The following SCUBE1 variants were observed in gnomAD, a reference collection of about 807,000 sequenced individuals.
SCUBE1 encodes the protein signal peptide, CUB domain and EGF like domain containing 1.
A neutral mutation model predicts 124.4 loss-of-function variants in SCUBE1; 59 were observed. That is an observed-to-expected ratio of 0.47 (90% CI 0.38 to 0.59). SCUBE1 has a LOEUF of 0.59. Among genes scored for constraint, SCUBE1 ranks in the 20% least tolerant of loss-of-function variants. The pLI is 0.00. For missense variants in SCUBE1, 1,150 were observed against 1,371.2 expected (o/e 0.84, Z 2.55); for synonymous variants, 545 against 550.9 (o/e 0.99, Z 0.15).
At position 43,241,502 on chromosome 22, in the gene SCUBE1, C is replaced by A. The variant is rs534582708; in HGVS notation, c.728-2548G>T. Among the ~76,000 whole-genome samples, 5 of 152,244 alleles carry A rather than the reference C, an allele frequency of 3.3e-5. No homozygotes were observed. The South Asian group carries it at 8.3e-4, about 25-fold the overall frequency. On this transcript the variant is annotated intron_variant, in intron 6 of 21. Transcript: ENST00000360835. Reference sequence around the variant, plus strand: ...CCCCTTGGCTCCTTGCGGGCAGTGACCCACCTGGCAGCTCCAGGGCCCTAC... The same window carrying A: ...CCCCTTGGCTCCTTGCGGGCAGTGAACCACCTGGCAGCTCCAGGGCCCTAC...
intron 4 of SCUBE1, among the ~76,000 whole-genome samples, chr22:43,273,000 G>T (rs1230984697): frequency 6.6e-6 from 1 of 152,246 alleles, no homozygotes; most frequent in Non-Finnish European, 1.5e-5. Flanking sequence ...CACATCAAGA[G>T]GTGGCACACA....
intron 3 of SCUBE1, among the ~76,000 whole-genome samples, chr22:43,304,797 C>T (rs981466028): frequency 6.6e-6 from 1 of 152,172 alleles, no homozygotes; most frequent in Non-Finnish European, 1.5e-5. Context: ...CCCATCTCCA[C>T]CCCCCGCAGG....
chr22:43,221,603 TA>T (rs1922093971), intron 12 of SCUBE1, among the ~76,000 whole-genome samples: 1 of 151,996 alleles, frequency 6.6e-6, no homozygotes, highest in Non-Finnish European at 1.5e-5. Context: ...GATTGTGCTT[TA>T]GGAAAGAGCG....
At position 43,304,197 on chromosome 22, in the gene SCUBE1, G is replaced by A. The variant is rs574794743; in HGVS notation, c.350-13017C>T. 9.8e-4 allele frequency among the ~76,000 whole-genome samples: 150 copies of A among 152,312 alleles called. No homozygotes were observed. The Middle Eastern group carries it at 0.01, about 10-fold the overall frequency. ...CATACAACTGACTGACTCTCCTGCC[G>A]TACAGCATCTGCACTTGCGGTGGCC... is the stretch of plus-strand genomic sequence containing the variant. On this transcript the variant is annotated intron_variant, in intron 3 of 21. Coordinates refer to ENST00000360835, the MANE Select transcript of SCUBE1 (RefSeq NM_173050.5).
At chr22:43,339,394 G>A (rs1398491976) in intron 1 of SCUBE1, among the ~76,000 whole-genome samples, 159 bp from the exon 2 acceptor site, 1 of 152,090 alleles carries the variant, frequency 6.6e-6, no homozygotes, top group Non-Finnish European at 1.5e-5. Flanking sequence ...GTGACAAGTG[G>A]CAACTGGTAG....
At position 43,221,255 on chromosome 22, in the gene SCUBE1, G is replaced by A; in HGVS notation, c.1467C>T (p.Arg489=). Residue 489 remains arginine, a synonymous_variant, in exon 13 of 22, where the codon CGC becomes CGT. Transcript: ENST00000360835. ...GGCACTTGGCATCTCGGATCTTGAA[G>A]CGGGCCTTCTGTTTGATGGGGGTGG... is the stretch of plus-strand genomic sequence containing the variant. The part of the protein sequence containing the change: ...APTTPIKQKA[R]FKIRDAKCHL... 1 of 1,611,668 alleles carries A rather than the reference G, an allele frequency of 6.2e-7. No homozygotes were observed.
At chr22:43,256,892 C>G (rs1923682054) in intron 6 of SCUBE1, among the ~76,000 whole-genome samples, 1 of 152,164 alleles carries the variant, frequency 6.6e-6, no homozygotes, top group African/African-American at 2.4e-5. Context: ...TGGTCTGAGA[C>G]CGGGTTTGGC....
Position 43,210,070 on chromosome 22 carries a change from C to A in SCUBE1, c.2554G>T (p.Gly852Cys). ...CTCTTCCTCATGACCAGAACATCGCCGCACTCATCCTCGATGGGCAGGAAG... is the reference window on the plus strand; with the variant it reads ...CTCTTCCTCATGACCAGAACATCGCAGCACTCATCCTCGATGGGCAGGAAG... ...EIFLPIEDEC[G>C]DVLVMRKSAS... is the part of the protein sequence containing the mutation. Residue 852 changes from glycine (G) to cysteine (C), a missense_variant, in exon 19 of 22, where the codon GGC becomes TGC. Physicochemically the swap from Gly to Cys is radical, Grantham distance 159. Transcript: ENST00000360835. This position sits in a 1 kb window ranked among gnomAD's most constrained non-coding sequence, Gnocchi z 4.5. 3 of 1,612,094 alleles carry A rather than the reference C, an allele frequency of 1.9e-6. No individual in the cohort carries two copies. Among genetic ancestry groups the A allele is most frequent in the Non-Finnish European group, 2.5e-6 (3 of 1,179,266 alleles).
At chr22:43,339,274 T>C in intron 1 of SCUBE1, 39 bp from the exon 2 acceptor site, 1 of 1,603,690 alleles carries the variant, frequency 6.2e-7, no homozygotes, top group Non-Finnish European at 8.5e-7. Context: ...AGGTAAGGTG[T>C]GGCCCCAGGG....
At chr22:43,265,001 T>G (rs1195738662) in intron 4 of SCUBE1, among the ~76,000 whole-genome samples, 1 of 152,204 alleles carries the variant, frequency 6.6e-6, no homozygotes, top group Non-Finnish European at 1.5e-5. Context: ...CTTCCTGAGC[T>G]GGGAAGAGCC....
chr22:43,213,081 C>T (rs114995103), intron 16 of SCUBE1: 3,653 of 168,190 alleles, frequency 0.022, 149 homozygotes, highest in African/African-American at 0.075. Flanking sequence ...CAAGGGCACC[C>T]CTGGGACAAA....
chr22:43,306,128 C>T (rs1384295171), intron 3 of SCUBE1, among the ~76,000 whole-genome samples: 1 of 152,146 alleles, frequency 6.6e-6, no homozygotes, highest in Non-Finnish European at 1.5e-5. Flanking sequence ...CACCCAGGGC[C>T]CAGGGTGCTC....
chr22:43,238,005 G>T (rs1330722446), intron 7 of SCUBE1: 1 of 152,546 alleles, frequency 6.6e-6, no homozygotes, highest in South Asian at 2.1e-4. Context: ...TTGGGGCTCC[G>T]TCTGTCCTTT....
chr22:43,227,651 A>G (rs1390821768), intron 9 of SCUBE1, among the ~76,000 whole-genome samples, 155 bp from the exon 10 acceptor site: 1 of 152,008 alleles, frequency 6.6e-6, no homozygotes, highest in South Asian at 2.1e-4. Context: ...CGCCACACGC[A>G]CACACACGCG....
In SCUBE1 at chr22:43,216,763, A is replaced by C. The variant is rs534267570; in HGVS notation, c.1891+1492T>G. 1.1e-3 allele frequency among the ~76,000 whole-genome samples: 162 copies of C among 150,880 alleles called. 2 individuals carry two copies. Among genetic ancestry groups the C allele is most frequent in the Admixed American group, 2.9e-3 (44 of 15,192 alleles). Reference sequence around the variant, plus strand: ...CCTCCACTGTCTGAGCCAGAGTCCCAGCTTCCCCAACCTGGCCCTTCCCCT... The same window carrying C: ...CCTCCACTGTCTGAGCCAGAGTCCCCGCTTCCCCAACCTGGCCCTTCCCCT... On this transcript the variant is annotated intron_variant, in intron 15 of 21. Coordinates refer to ENST00000360835, the MANE Select transcript of SCUBE1 (RefSeq NM_173050.5).
chr22:43,274,255 G>A (rs1465412045), intron 4 of SCUBE1, among the ~76,000 whole-genome samples: 2 of 152,120 alleles, frequency 1.3e-5, no homozygotes, highest in East Asian at 1.9e-4. Flanking sequence ...AATACAGGAC[G>A]CCTCATTCAA....
intron 4 of SCUBE1, among the ~76,000 whole-genome samples, chr22:43,269,825 G>A (rs1924223198): frequency 6.6e-6 from 1 of 152,204 alleles, no homozygotes. Flanking sequence ...TTGAAGGGGG[G>A]TGAAGGAAAC....
chr22:43,208,043 C>T (rs777912967), intron 20 of SCUBE1, 29 bp downstream of exon 20: 8 of 1,613,344 alleles, frequency 5.0e-6, no homozygotes, highest in African/African-American at 1.3e-5. Flanking sequence ...GAGCCGTGCA[C>T]AGTGGGCCGT....
intron 4 of SCUBE1, among the ~76,000 whole-genome samples, chr22:43,286,983 G>A (rs1387418805): frequency 1.3e-5 from 2 of 152,208 alleles, no homozygotes; most frequent in Non-Finnish European, 2.9e-5. Context: ...AGAGCAGTGT[G>A]GGAGAGGGAG....
Sources: allele counts gnomAD v4.1 joint callset (sites outside exome capture counted in the v4.1 genomes callset), GRCh38; gene constraint gnomAD v4.1.1; non-coding constraint Gnocchi (gnomAD v3.1); transcripts MANE v1.5; gene names NCBI Gene and HGNC (gene_info 2026-07-23, HGNC 2026-07-21).